Variants in PLXNA2 observed in about 807,000 individuals in gnomAD.
PLXNA2 encodes plexin A2, also known as plexin-A2.
In PLXNA2, 91 loss-of-function variants were observed where a neutral mutation model predicts 193.5. The observed-to-expected ratio is 0.47, with a 90% CI of 0.40 to 0.56. The LOEUF is 0.56. Among genes scored for constraint, PLXNA2 ranks in the 20% least tolerant of loss-of-function variants. The pLI is 0.00. For synonymous variants in PLXNA2, 997 were observed against 1,027.3 expected, an observed-to-expected ratio of 0.97 and a Z score of 0.56; for missense variants, 1,995 against 2,503.2, an observed-to-expected ratio of 0.80 and a Z score of 4.33.
chr1:208,116,978 C>T lies in PLXNA2; in HGVS notation c.1507-13731G>A, dbSNP rs186126361. Among the ~76,000 whole-genome samples, 19 of 152,270 alleles carry T rather than the reference C, an allele frequency of 1.2e-4. 1 individual carries two copies. The East Asian group carries it at 3.5e-3, about 28-fold the overall frequency. ...TTTGAGTTCAGGAGTTTGAGACCAG[C>T]CTGGCCAACATGGTGAAACCCCGTG... On this transcript the variant is annotated intron_variant, in intron 4 of 31. Coordinates refer to ENST00000367033, the MANE Select transcript of PLXNA2 (RefSeq NM_025179.4).
Position 208,044,716 on chromosome 1 carries a change from C to A in PLXNA2, c.3666G>T (p.Ser1222=), listed in dbSNP as rs748634091. ...VMVHVGGMVF[S]PGSVSVISDS... is the part of the protein sequence containing the mutation. ...CTGAGATGACACTCACCGAGCCAGG[C>A]GAGAACACCATCCCGCCCACGTGAA... is the stretch of plus-strand genomic sequence containing the variant. The change falls in exon 20 of 32, where the codon TCG becomes TCT. Residue 1222 remains serine, a synonymous_variant. Coordinates refer to ENST00000367033, the MANE Select transcript of PLXNA2 (RefSeq NM_025179.4). The surrounding 1 kb of genome is among the most constrained non-coding windows in gnomAD (Gnocchi z 4.9). The A allele has an allele frequency of 1.2e-6, 2 of 1,613,942 alleles. No individual in the cohort carries two copies. Among genetic ancestry groups the A allele is most frequent in the South Asian group, 2.2e-5 (2 of 91,046 alleles).
intron 29 of PLXNA2, 98 bp downstream of exon 29, chr1:208,031,492 A>G: frequency 6.7e-7 from 1 of 1,482,506 alleles, no homozygotes; most frequent in East Asian, 2.3e-5. Flanking sequence ...CCAGCCGAGA[A>G]TAGGCTATCC....
At chr1:208,120,548 C>T (rs144491670) in intron 4 of PLXNA2, among the ~76,000 whole-genome samples, 29 of 152,302 alleles carry the variant, frequency 1.9e-4, no homozygotes, top group South Asian at 8.3e-4. Flanking sequence ...CTTGCCAATG[C>T]GGTACTTTGG....
chr1:208,237,377 GTAA>G (rs1671898322), intron 1 of PLXNA2, among the ~76,000 whole-genome samples: 1 of 152,324 alleles, frequency 6.6e-6, no homozygotes, highest in East Asian at 1.9e-4. Flanking sequence ...ATGTGGATGA[GTAA>G]TAATATTTCC....
At chr1:208,185,620 C>G (rs1006752019) in intron 3 of PLXNA2, among the ~76,000 whole-genome samples, 1 of 150,420 alleles carries the variant, frequency 6.6e-6, no homozygotes, top group African/African-American at 2.5e-5. Context: ...CAGCCCCCAA[C>G]CCCCTGGCAA....
rs771462468 is a variant in PLXNA2, at chr1:208,044,595, T to C, written c.3787A>G (p.Lys1263Glu). The C allele has an allele frequency of 1.2e-6, 2 of 1,614,106 alleles. No individual in the cohort carries two copies. The highest frequency in any genetic ancestry group is 1.7e-5 in the Admixed American group (1 of 60,028). ...AGAGTGAGGTCATTTTCTCGAGACTTGCGCTTGTAGGCAATGAGGACGATG... is the reference window on the plus strand; with the variant it reads ...AGAGTGAGGTCATTTTCTCGAGACTCGCGCTTGTAGGCAATGAGGACGATG... Reference protein sequence around the residue: ...VIIVLIAYKRKSRENDLTLKR... With the variant: ...VIIVLIAYKRESRENDLTLKR... The change falls in exon 20 of 32, where the codon AAG becomes GAG. Residue 1263 changes from lysine to glutamate, a missense_variant. Around this residue, in one of 3 missense-constraint regions of PLXNA2, gnomAD observed 1,291 missense variants for 1,673.6 expected, o/e 0.77. Transcript: ENST00000367033. The surrounding 1 kb of genome is among the most constrained non-coding windows in gnomAD (Gnocchi z 4.9).
intron 13 of PLXNA2, among the ~76,000 whole-genome samples, chr1:208,056,378 G>GA (rs781491576): frequency 1.3e-5 from 2 of 152,152 alleles, no homozygotes; most frequent in Non-Finnish European, 2.9e-5. Flanking sequence ...TCTTAGAGAA[G>GA]AAAAGGAGGA....
At chr1:208,077,665 G>A (rs548399067) in intron 12 of PLXNA2, among the ~76,000 whole-genome samples, 81 of 152,312 alleles carry the variant, frequency 5.3e-4, no homozygotes, top group African/African-American at 1.8e-3. Flanking sequence ...GGGAAGGCAC[G>A]GAGCCCTGAG....
chr1:208,195,057 A>T (rs1049211173), intron 3 of PLXNA2, among the ~76,000 whole-genome samples: 1 of 152,198 alleles, frequency 6.6e-6, no homozygotes, highest in African/African-American at 2.4e-5. Context: ...GAAGAGCATT[A>T]GAGAGTGGAG....
rs912261525 is a variant in PLXNA2 at position 208,031,870 on chromosome 1, C to T, written c.5056-111G>A. 393 of 1,277,902 alleles carry T rather than the reference C, an allele frequency of 3.1e-4. 1 individual carries two copies. The highest frequency in any genetic ancestry group is 5.6e-4 in the Admixed American group (22 of 39,508). The allele number at this position is 1,277,902 out of a possible 1,614,324, so 79.2% of individuals were successfully genotyped here. On this transcript the variant is annotated intron_variant, in intron 28 of 31. Coordinates refer to ENST00000367033, the MANE Select transcript of PLXNA2 (RefSeq NM_025179.4). ...CTGCCTTGGAAATTTGTCTGGGACA[C>T]GAGGCTGTGCAGGCAGTGTTGCGGG... is the stretch of plus-strand genomic sequence containing the variant.
In PLXNA2 at chr1:208,060,696, T is replaced by C. The variant is rs753949662; in HGVS notation, c.2728A>G (p.Ile910Val). 5.0e-6 allele frequency: 8 copies of C among 1,613,248 alleles called. No individual in the cohort carries two copies. Among genetic ancestry groups the C allele is most frequent in the African/African-American group, 1.3e-5 (1 of 74,846 alleles). The change falls in exon 13 of 32, where the codon ATC becomes GTC. Residue 910 changes from isoleucine to valine, a missense_variant. Ile to Val is a conservative substitution (Grantham distance 29, BLOSUM62 3). Around this residue, in one of 3 missense-constraint regions of PLXNA2, gnomAD observed 1,291 missense variants for 1,673.6 expected, o/e 0.77. Coordinates refer to ENST00000367033, the MANE Select transcript of PLXNA2 (RefSeq NM_025179.4). ...CCAGGGCGGACTCACTGCTCAGCGA[T>C]GATGTATTCCCCTGGGAGGGGCGTG... ...PCTPLPGEYI[I>V]AEQIVCEMGH...
intron 1 of PLXNA2, among the ~76,000 whole-genome samples, chr1:208,234,444 C>A (rs1164737622): frequency 1.3e-5 from 2 of 152,222 alleles, no homozygotes; most frequent in Non-Finnish European, 2.9e-5. Context: ...TAGGACTCTC[C>A]TCTCACAGGC....
chr1:208,097,850 G>A (rs1666952788), intron 6 of PLXNA2, among the ~76,000 whole-genome samples: 3 of 151,972 alleles, frequency 2.0e-5, no homozygotes, highest in African/African-American at 7.3e-5. Flanking sequence ...GATGGCGTAG[G>A]TAGGTTTCCC....
intron 3 of PLXNA2, among the ~76,000 whole-genome samples, chr1:208,162,234 T>C (rs563328357): frequency 3.3e-5 from 5 of 152,230 alleles, no homozygotes; most frequent in African/African-American, 9.6e-5. Context: ...CTGAGGGTGA[T>C]TGGAAAATGT....
In PLXNA2 at chr1:208,023,090, T is replaced by G. The variant is rs918786297; in HGVS notation, c.*4153A>C. On this transcript the variant is annotated 3_prime_UTR_variant, in exon 32 of 32. Coordinates refer to ENST00000367033, the MANE Select transcript of PLXNA2 (RefSeq NM_025179.4). ...TACCATTTTTCTCAAAGCATGTTCCTGAGACAAGGCGTCGGAAGGCCCTGA... is the reference window on the plus strand; with the variant it reads ...TACCATTTTTCTCAAAGCATGTTCCGGAGACAAGGCGTCGGAAGGCCCTGA... 1 of 152,218 alleles carries G rather than the reference T, an allele frequency of 6.6e-6. No individual in the cohort carries two copies. Among genetic ancestry groups the G allele is most frequent in the African/African-American group, 2.4e-5 (1 of 41,458 alleles). 9.4% of individuals were successfully genotyped at this position (152,218 alleles called of 1,614,324 possible).
intron 4 of PLXNA2, among the ~76,000 whole-genome samples, chr1:208,140,845 T>C (rs1571960282): frequency 1.3e-5 from 2 of 152,380 alleles, no homozygotes; most frequent in East Asian, 1.9e-4. Context: ...CTCTCTCTTG[T>C]TAGATTGCAA....
intron 3 of PLXNA2, among the ~76,000 whole-genome samples, chr1:208,206,827 G>A (rs1350685044): frequency 2.1e-5 from 3 of 144,420 alleles, no homozygotes; most frequent in African/African-American, 7.8e-5. Flanking sequence ...CTAGTGGCGC[G>A]ATCTGGGCTC....
intron 1 of PLXNA2, among the ~76,000 whole-genome samples, chr1:208,221,139 T>C (rs1671315685): frequency 6.6e-6 from 1 of 152,222 alleles, no homozygotes; most frequent in African/African-American, 2.4e-5. Context: ...ATTCTGCCTG[T>C]GTGACTCATG....
rs147335195 is a variant in PLXNA2 at position 208,134,766 on chromosome 1, C to T, written c.1506+7563G>A. Among the ~76,000 whole-genome samples, 245 of 152,246 alleles carry T rather than the reference C, an allele frequency of 1.6e-3. 2 individuals carry two copies. The highest frequency in any genetic ancestry group is 0.014 in the Middle Eastern group (4 of 294). ...GCCTGCACCCTGGGAAGCCTTATCG[C>T]CTGGACTAAACAAATGTGCACAATC... On this transcript the variant is annotated intron_variant, in intron 4 of 31. Transcript: ENST00000367033.
Sources: allele counts gnomAD v4.1 joint callset (sites outside exome capture counted in the v4.1 genomes callset), GRCh38; gene constraint gnomAD v4.1.1; regional missense constraint gnomAD v4.1.1; non-coding constraint Gnocchi (gnomAD v3.1); transcripts MANE v1.5; gene names NCBI Gene and HGNC (gene_info 2026-07-23, HGNC 2026-07-21).